ZNF385B: variants seen among roughly 807,000 people sequenced by gnomAD.
The protein encoded by ZNF385B is zinc finger protein 533.
ZNF385B carries 23 observed loss-of-function variants against 39.2 expected under a neutral mutation model. That is an observed-to-expected ratio of 0.59 (90% confidence interval 0.42 to 0.83). ZNF385B has a LOEUF of 0.83. Among genes scored for constraint, ZNF385B ranks in the 40% least tolerant of loss-of-function variants. The probability of loss-of-function intolerance (pLI) is 0.00; values close to 1 mark genes in which losing one functional copy is unlikely to be tolerated. For synonymous variants in ZNF385B, 205 were observed against 222.6 expected (o/e 0.92, Z 0.70); for missense variants, 552 against 598.9 (o/e 0.92, Z 0.82).
At chr2:179,450,000 G>C (rs1428153585) in intron 6 of ZNF385B, among the ~76,000 whole-genome samples, 1 of 152,096 alleles carries the variant, frequency 6.6e-6, no homozygotes, top group Non-Finnish European at 1.5e-5. Context: ...AAGAAATGGG[G>C]AAATGATTCC....
intron 3 of ZNF385B, among the ~76,000 whole-genome samples, chr2:179,733,564 CGA>C (rs1219647046): frequency 6.6e-6 from 1 of 152,074 alleles, no homozygotes; most frequent in African/African-American, 2.4e-5. Context: ...GGGCGGATCA[CGA>C]GGTCAGGAGA....
At chr2:179,650,319 T>C (rs1043818644) in intron 3 of ZNF385B, among the ~76,000 whole-genome samples, 4 of 152,206 alleles carry the variant, frequency 2.6e-5, no homozygotes, top group South Asian at 2.1e-4. Context: ...GAAAAGGAAA[T>C]AAATTCTAAT....
intron 5 of ZNF385B, among the ~76,000 whole-genome samples, chr2:179,500,060 T>C (rs116362362): frequency 0.013 from 1,910 of 152,060 alleles, 17 homozygotes; most frequent in Non-Finnish European, 0.019. Context: ...TAAAATTAAA[T>C]ATCTAAGATT....
At chr2:179,508,539 GT>G in intron 5 of ZNF385B, among the ~76,000 whole-genome samples, 1 of 152,248 alleles carries the variant, frequency 6.6e-6, no homozygotes, top group East Asian at 1.9e-4. Flanking sequence ...GACTAAAAGA[GT>G]TATTAACACA....
At chr2:179,642,056 C>A (rs995412573) in intron 3 of ZNF385B, among the ~76,000 whole-genome samples, 3 of 151,836 alleles carry the variant, frequency 2.0e-5, no homozygotes, top group Non-Finnish European at 4.4e-5. Flanking sequence ...ATGAAACTGA[C>A]GACTGATTTA....
At chr2:179,577,371 G>T (rs1235089011) in intron 3 of ZNF385B, among the ~76,000 whole-genome samples, 9 of 152,126 alleles carry the variant, frequency 5.9e-5, no homozygotes, top group Admixed American at 5.9e-4. Context: ...TTATGTATCA[G>T]ATATATAAAT....
At chr2:179,493,784 C>T (rs74186513) in intron 5 of ZNF385B, among the ~76,000 whole-genome samples, 52,929 of 86,002 alleles carry the variant, frequency 0.62, 14,769 homozygotes, top group East Asian at 0.85. Context: ...TGTATATACA[C>T]ATATGTATAC....
chr2:179,583,866 T>TA, intron 3 of ZNF385B: 1 of 1,284,646 alleles, frequency 7.8e-7, no homozygotes, highest in South Asian at 1.3e-5. Flanking sequence ...CCTCAGATCT[T>TA]ACTGCCCTCA....
intron 1 of ZNF385B, among the ~76,000 whole-genome samples, chr2:179,791,143 G>A (rs1360350952): frequency 1.3e-5 from 2 of 152,094 alleles, no homozygotes; most frequent in African/African-American, 2.4e-5. Context: ...CTCCTTCCGT[G>A]ATCACTTCTC....
chr2:179,613,133 A>G (rs534652149), intron 3 of ZNF385B, among the ~76,000 whole-genome samples: 4 of 152,304 alleles, frequency 2.6e-5, no homozygotes, highest in Admixed American at 6.5e-5. Context: ...CTTCTGGGCA[A>G]TGGGCTCCCC....
chr2:179,721,002 T>C (rs1343258190), intron 3 of ZNF385B, among the ~76,000 whole-genome samples: 1 of 146,858 alleles, frequency 6.8e-6, no homozygotes, highest in Non-Finnish European at 1.5e-5. Flanking sequence ...CACCTAGCCT[T>C]AAGTGATCCC....
chr2:179,556,282 T>C (rs969709887), intron 3 of ZNF385B, among the ~76,000 whole-genome samples: 1 of 149,820 alleles, frequency 6.7e-6, no homozygotes, highest in African/African-American at 2.5e-5. Flanking sequence ...CTGGCTGCAA[T>C]CCTTTTTCAA....
intron 1 of ZNF385B, among the ~76,000 whole-genome samples, chr2:179,772,798 G>A (rs1222184283): frequency 6.6e-6 from 1 of 152,152 alleles, no homozygotes; most frequent in Non-Finnish European, 1.5e-5. Context: ...GACCTTCGGG[G>A]GTGTCTGATT....
intron 6 of ZNF385B, among the ~76,000 whole-genome samples, chr2:179,458,259 A>C (rs2050921087): frequency 6.6e-6 from 1 of 152,150 alleles, no homozygotes; most frequent in Non-Finnish European, 1.5e-5. Context: ...CGTGATAGTG[A>C]ATAAGTCTCA....
chr2:179,696,326 CTTTTTTTT>C lies in ZNF385B; in HGVS notation c.298+73169_298+73176del, dbSNP rs71029828. Among the ~76,000 whole-genome samples the C allele has an allele frequency of 3.2e-4, 13 of 40,358 alleles. 1 individual carries two copies. The highest frequency in any genetic ancestry group is 0.042 in the Middle Eastern group (1 of 24). The allele number at this position is 40,358 out of a possible 152,430, so 26.5% of individuals were successfully genotyped here. A position where few individuals can be genotyped will look rare whatever the true frequency, so the allele number is the denominator to read the frequency against. ...CTGGGACACTAGGTACAAACTGGGA[CTTTTTTTT>C]TTTTTTTTTTTTTTTGCATCCTAGG... On this transcript the variant is annotated intron_variant, in intron 3 of 9. Transcript: ENST00000410066.
In ZNF385B at chr2:179,443,465, T is replaced by G; in HGVS notation, c.1246A>C (p.Lys416Gln). Residue 416 changes from lysine (K) to glutamine (Q), a missense_variant, in exon 10 of 10, where the codon AAA (lysine) becomes CAA (glutamine). Coordinates refer to ENST00000410066, the MANE Select transcript of ZNF385B (RefSeq NM_152520.6). ...LQRSPSILAAKLAFQKDMMKP... is the reference protein window; with the variant it reads ...LQRSPSILAAQLAFQKDMMKP... ...ATCATATCTTTCTGGAATGCAAGTT[T>G]TGCCTAAGGGAGGGAGAAAACCAGG... 2 of 1,593,030 alleles carry G rather than the reference T, an allele frequency of 1.3e-6. No individual in the cohort carries two copies. The highest frequency in any genetic ancestry group is 1.7e-6 in the Non-Finnish European group (2 of 1,169,236).
intron 3 of ZNF385B, among the ~76,000 whole-genome samples, chr2:179,611,673 T>C (rs1355046427): frequency 2.6e-5 from 4 of 152,216 alleles, no homozygotes; most frequent in Non-Finnish European, 5.9e-5. Context: ...TTTCCTTTGC[T>C]GGGAGACTTT....
intron 3 of ZNF385B, among the ~76,000 whole-genome samples, chr2:179,649,946 C>T (rs535778504): frequency 5.9e-5 from 9 of 152,252 alleles, no homozygotes; most frequent in Admixed American, 2.0e-4. Flanking sequence ...GACCTGTTTA[C>T]GTTTCCCAGT....
chr2:179,634,848 G>A (rs1691585421), intron 3 of ZNF385B, among the ~76,000 whole-genome samples: 1 of 151,918 alleles, frequency 6.6e-6, no homozygotes, highest in Admixed American at 6.6e-5. Context: ...TGTGGCACAT[G>A]GCCGGTCGCC....
Sources: allele counts gnomAD v4.1 joint callset (sites outside exome capture counted in the v4.1 genomes callset), GRCh38; gene constraint gnomAD v4.1.1; transcripts MANE v1.5; gene names NCBI Gene and HGNC (gene_info 2026-07-23, HGNC 2026-07-21).